TFAP2D: variants seen among roughly 807,000 people sequenced by gnomAD.
TFAP2D encodes transcription factor AP-2 delta.
Under a neutral mutation model 43.6 loss-of-function variants are expected in TFAP2D, and 9 were observed. That is an observed-to-expected ratio of 0.21 (90% CI 0.12 to 0.36). The LOEUF (loss-of-function observed/expected upper bound fraction) is 0.36. Among genes scored for constraint, TFAP2D ranks in the 10% least tolerant of loss-of-function variants. TFAP2D has a pLI of 1.00. For synonymous variants in TFAP2D, 256 were observed against 224.9 expected (o/e 1.14, Z -1.24); for missense variants, 513 against 561.4 (o/e 0.91, Z 0.87).
chr6:50,770,900 A>G (rs1022269270), intron 7 of TFAP2D, among the ~76,000 whole-genome samples: 2 of 152,118 alleles, frequency 1.3e-5, no homozygotes, highest in Non-Finnish European at 2.9e-5. Context: ...GTATATATAT[A>G]TATATTATAA....
At chr6:50,756,155 T>C (rs1769262197) in intron 7 of TFAP2D, among the ~76,000 whole-genome samples, 1 of 152,010 alleles carries the variant, frequency 6.6e-6, no homozygotes, top group South Asian at 2.1e-4. Context: ...TGAGCAACTG[T>C]ACCAGGCCGA....
At chr6:50,764,699 A>G (rs1369888004) in intron 7 of TFAP2D, among the ~76,000 whole-genome samples, 1 of 152,208 alleles carries the variant, frequency 6.6e-6, no homozygotes, top group East Asian at 1.9e-4. Flanking sequence ...CTAATACCTA[A>G]CTGCTGGCAG....
chr6:50,714,149 CGGCGGT>C, intron 1 of TFAP2D, 55 bp downstream of exon 1: 1 of 1,509,114 alleles, frequency 6.6e-7, no homozygotes, highest in South Asian at 1.2e-5. Flanking sequence ...GTGGCGGCGG[CGGCGGT>C]GGCGGCGGTG....
intron 5 of TFAP2D, among the ~76,000 whole-genome samples, chr6:50,735,216 A>C (rs573536214): frequency 2.6e-5 from 4 of 152,158 alleles, no homozygotes; most frequent in South Asian, 4.1e-4. Context: ...AATTGGGTGC[A>C]GCAAGGATGA....
At chr6:50,757,679 A>C (rs1473099866) in intron 7 of TFAP2D, among the ~76,000 whole-genome samples, 1 of 79,936 alleles carries the variant, frequency 1.3e-5, no homozygotes, top group Non-Finnish European at 2.2e-5. Context: ...TATTCTATAT[A>C]TATAGAATAT....
chr6:50,770,612 A>T (rs560975107), intron 7 of TFAP2D, among the ~76,000 whole-genome samples: 1 of 152,250 alleles, frequency 6.6e-6, no homozygotes, highest in African/African-American at 2.4e-5. Context: ...GACTAATAAA[A>T]ACAACAACCC....
intron 7 of TFAP2D, among the ~76,000 whole-genome samples, chr6:50,768,734 G>C (rs1358217702): frequency 2.0e-5 from 3 of 152,062 alleles, no homozygotes; most frequent in Non-Finnish European, 4.4e-5. Flanking sequence ...TGTGCAGTGT[G>C]CTATGCATAT....
intron 7 of TFAP2D, among the ~76,000 whole-genome samples, chr6:50,765,345 T>C (rs1369222184): frequency 6.6e-6 from 1 of 152,232 alleles, no homozygotes; most frequent in African/African-American, 2.4e-5. Context: ...GATATCTCTT[T>C]CAGATACTGG....
chr6:50,717,954 G>C (rs1224687752), intron 2 of TFAP2D: 4 of 152,200 alleles, frequency 2.6e-5, no homozygotes, highest in Non-Finnish European at 4.4e-5. Flanking sequence ...AGAATTTTAA[G>C]TGAAAGTCCA....
chr6:50,719,331 G>A (rs913962342), intron 3 of TFAP2D, among the ~76,000 whole-genome samples, 181 bp downstream of exon 3: 4 of 152,028 alleles, frequency 2.6e-5, no homozygotes, highest in African/African-American at 9.7e-5. Flanking sequence ...CTTTCATCAA[G>A]GTTTGAACCC....
Position 50,715,361 on chromosome 6 carries a change from C to A in TFAP2D, c.285C>A (p.Leu95=), listed in dbSNP as rs1397841773. 1 of 1,614,046 alleles carries A rather than the reference C, an allele frequency of 6.2e-7. No individual in the cohort carries two copies. The highest frequency in any genetic ancestry group is 2.2e-5 in the East Asian group (1 of 44,864). ...CCGACGCCTACTCTCTGAACTCTCT[C>A]CACCACTCGCAACAGTACTACCAGC... ...VTPDAYSLNS[L]HHSQQYYQQI... Residue 95 remains leucine, a synonymous_variant, in exon 2 of 8, where the codon CTC becomes CTA. Coordinates refer to ENST00000008391, the MANE Select transcript of TFAP2D (RefSeq NM_172238.4).
intron 3 of TFAP2D, among the ~76,000 whole-genome samples, chr6:50,721,467 A>G (rs1768723979): frequency 6.6e-6 from 1 of 152,224 alleles, no homozygotes; most frequent in Non-Finnish European, 1.5e-5. Context: ...ACAAGTGGAT[A>G]GCAGGGAAGT....
chr6:50,715,229 C>A lies in TFAP2D; in HGVS notation c.153C>A (p.Thr51=), dbSNP rs201482490. The part of the protein sequence containing the change: ...SSSSPLTYST[T]GTEFASPYFS... ...CCTCTCCTTTAACTTACTCCACCAC[C>A]GGCACCGAGTTTGCGTCCCCCTACT... The change falls in exon 2 of 8, where the codon ACC becomes ACA. Residue 51 remains threonine, a synonymous_variant. Transcript: ENST00000008391. The A allele has an allele frequency of 6.2e-7, 1 of 1,614,074 alleles. No homozygotes were observed. Among genetic ancestry groups the A allele is most frequent in the Admixed American group, 1.7e-5 (1 of 60,020 alleles).
At chr6:50,738,472 T>C (rs115633347) in intron 5 of TFAP2D, among the ~76,000 whole-genome samples, 2,031 of 152,214 alleles carry the variant, frequency 0.013, 49 homozygotes, top group African/African-American at 0.046. Flanking sequence ...AATTCCAAGA[T>C]CATAAAAAAT....
intron 5 of TFAP2D, among the ~76,000 whole-genome samples, chr6:50,738,254 C>T (rs1768989743): frequency 6.6e-6 from 1 of 151,992 alleles, no homozygotes; most frequent in Non-Finnish European, 1.5e-5. Context: ...AGTTTTCAGT[C>T]TCTATTAGGA....
rs955097132 is a variant in TFAP2D at position 50,741,002 on chromosome 6, A to G, written c.884-4105A>G. Among the ~76,000 whole-genome samples the G allele has an allele frequency of 3.3e-5, 5 of 152,044 alleles. No homozygotes were observed. In the South Asian group the frequency reaches 8.3e-4, roughly 25 times the overall value. Reference sequence around the variant, plus strand: ...AAAAATGAATTCTCTAAAATCAACGAGCAAATTTATCTTTTACGTTCTTGC... The same window carrying G: ...AAAAATGAATTCTCTAAAATCAACGGGCAAATTTATCTTTTACGTTCTTGC... On this transcript the variant is annotated intron_variant, in intron 5 of 7. Coordinates refer to ENST00000008391, the MANE Select transcript of TFAP2D (RefSeq NM_172238.4).
At chr6:50,761,173 C>T (rs1001826004) in intron 7 of TFAP2D, among the ~76,000 whole-genome samples, 4 of 150,200 alleles carry the variant, frequency 2.7e-5, no homozygotes, top group African/African-American at 9.8e-5. Flanking sequence ...AATAATGCAA[C>T]ATAACAAAAT....
Position 50,772,777 on chromosome 6 carries a change from C to A in TFAP2D, c.1272C>A (p.Gly424=). ...THKNGGAADS[G]QGHANSEKAP... ...AGAACGGCGGAGCGGCGGATTCTGG[C>A]CAAGGACATGCCAACTCGGAGAAAG... is the stretch of plus-strand genomic sequence containing the variant. Residue 424 remains glycine, a synonymous_variant, in exon 8 of 8, where the codon GGC becomes GGA. Coordinates refer to ENST00000008391, the MANE Select transcript of TFAP2D (RefSeq NM_172238.4). The A allele has an allele frequency of 1.2e-6, 2 of 1,614,076 alleles. No homozygotes were observed. The highest frequency in any genetic ancestry group is 8.5e-7 in the Non-Finnish European group (1 of 1,180,014).
chr6:50,771,519 T>C (rs1769527949), intron 7 of TFAP2D, among the ~76,000 whole-genome samples: 1 of 152,250 alleles, frequency 6.6e-6, no homozygotes, highest in African/African-American at 2.4e-5. Flanking sequence ...CAGCCAATTA[T>C]GATTTCTTCA....
Sources: gnomAD v4.1 joint callset for allele counts (sites outside exome capture counted in the v4.1 genomes callset) on GRCh38, gnomAD v4.1.1 for gene constraint, MANE v1.5 for transcripts, NCBI Gene and HGNC (gene_info 2026-07-23, HGNC 2026-07-21) for gene names.